The following AKAP6 variants were observed in gnomAD, a reference collection of about 807,000 sequenced individuals.
The protein encoded by AKAP6 is A-kinase anchor protein 6.
Under a neutral mutation model 188.5 loss-of-function variants are expected in AKAP6, and 58 were observed. The ratio of observed to expected loss-of-function variants is 0.31; its 90% confidence interval spans 0.25 to 0.38. AKAP6 has a LOEUF of 0.38. Among genes scored for constraint, AKAP6 ranks in the 10% least tolerant of loss-of-function variants. AKAP6 has a pLI of 1.00. For synonymous variants in AKAP6, 989 were observed against 998.6 expected (o/e 0.99, Z 0.18); for missense variants, 2,710 against 2,740.0 (o/e 0.99, Z 0.24).
At chr14:32,801,167 C>T (rs1392941253) in intron 12 of AKAP6, among the ~76,000 whole-genome samples, 1 of 152,140 alleles carries the variant, frequency 6.6e-6, no homozygotes, top group Non-Finnish European at 1.5e-5. Flanking sequence ...GGATTAATAT[C>T]TATCACATTA....
chr14:32,769,552 GTTTTTTTT>G (rs146861682), intron 11 of AKAP6, among the ~76,000 whole-genome samples: 6 of 146,332 alleles, frequency 4.1e-5, no homozygotes, highest in African/African-American at 1.5e-4. Context: ...TGCTTCATGG[GTTTTTTTT>G]TTTTTTTTTT....
chr14:32,654,429 G>C (rs1403096308), intron 7 of AKAP6, among the ~76,000 whole-genome samples: 2 of 152,048 alleles, frequency 1.3e-5, no homozygotes, highest in Non-Finnish European at 2.9e-5. Flanking sequence ...GTATTGAAAA[G>C]AAACCAATCA....
In AKAP6 at chr14:32,655,125, G is replaced by A. The variant is rs935250849; in HGVS notation, c.2731-23186G>A. Among the ~76,000 whole-genome samples the A allele has an allele frequency of 2.2e-4, 34 of 152,142 alleles. 1 individual carries two copies. Among genetic ancestry groups the A allele is most frequent in the Admixed American group, 2.1e-3 (32 of 15,276 alleles). ...GTAAAAATATTGACTATCAGGAGAC[G>A]AGTGAATATGCAGCAGATTAGGAAA... On this transcript the variant is annotated intron_variant, in intron 7 of 13. Coordinates refer to ENST00000280979, the MANE Select transcript of AKAP6 (RefSeq NM_004274.5).
At chr14:32,473,425 G>A (rs1878886154) in intron 2 of AKAP6, among the ~76,000 whole-genome samples, 1 of 152,124 alleles carries the variant, frequency 6.6e-6, no homozygotes, top group Non-Finnish European at 1.5e-5. Context: ...TTTCCCTAGG[G>A]CCAGTGAGGA....
At chr14:32,718,119 C>G (rs1042203193) in intron 9 of AKAP6, among the ~76,000 whole-genome samples, 9 of 152,246 alleles carry the variant, frequency 5.9e-5, no homozygotes, top group African/African-American at 2.2e-4. Context: ...GCTGAAATTC[C>G]TCCTGAAATT....
At chr14:32,557,618 T>A (rs928781679) in intron 4 of AKAP6, among the ~76,000 whole-genome samples, 2 of 152,192 alleles carry the variant, frequency 1.3e-5, no homozygotes, top group African/African-American at 4.8e-5. Context: ...GGTAGTGTGC[T>A]CTACACTACT....
chr14:32,341,157 G>A (rs1383663130), intron 1 of AKAP6, among the ~76,000 whole-genome samples: 2 of 152,074 alleles, frequency 1.3e-5, no homozygotes, highest in Admixed American at 6.6e-5. Context: ...TTTTTTTAGA[G>A]TTTCCTTATC....
At chr14:32,401,668 T>C (rs1220790951) in intron 1 of AKAP6, among the ~76,000 whole-genome samples, 1 of 152,228 alleles carries the variant, frequency 6.6e-6, no homozygotes, top group Non-Finnish European at 1.5e-5. Context: ...TTTTTATATA[T>C]TGCTGTTTTC....
At chr14:32,624,218 T>C (rs1295908323) in intron 7 of AKAP6, among the ~76,000 whole-genome samples, 1 of 152,192 alleles carries the variant, frequency 6.6e-6, no homozygotes, top group Non-Finnish European at 1.5e-5. Context: ...AAGATACTTG[T>C]TGTATTAGGT....
intron 4 of AKAP6, among the ~76,000 whole-genome samples, chr14:32,567,911 AAAAG>A (rs1462166911): frequency 1.3e-5 from 2 of 152,170 alleles, no homozygotes; most frequent in African/African-American, 4.8e-5. Context: ...AACTGTAGAA[AAAAG>A]AAAGAAACAA....
At chr14:32,438,033 A>G (rs1023416534) in intron 2 of AKAP6, among the ~76,000 whole-genome samples, 3 of 152,122 alleles carry the variant, frequency 2.0e-5, no homozygotes, top group Non-Finnish European at 4.4e-5. Context: ...CTCAATTCAC[A>G]CCTGTTGTTG....
chr14:32,606,630 G>A (rs747638651), intron 7 of AKAP6, among the ~76,000 whole-genome samples: 2 of 152,104 alleles, frequency 1.3e-5, no homozygotes, highest in Admixed American at 6.6e-5. Flanking sequence ...CAGCTACTAC[G>A]AGGATGACCT....
At chr14:32,344,878 T>C (rs539546231) in intron 1 of AKAP6, among the ~76,000 whole-genome samples, 8 of 133,676 alleles carry the variant, frequency 6.0e-5, no homozygotes, top group South Asian at 4.7e-4. Flanking sequence ...ATAGCACCAC[T>C]ACACTCCAGC....
intron 7 of AKAP6, among the ~76,000 whole-genome samples, chr14:32,630,784 A>G (rs1244516598): frequency 1.3e-5 from 2 of 152,202 alleles, no homozygotes; most frequent in East Asian, 1.9e-4. Flanking sequence ...TCTTTATGAT[A>G]TTAATAGTAA....
intron 1 of AKAP6, among the ~76,000 whole-genome samples, chr14:32,344,915 TAAAAA>T (rs11297648): frequency 9.5e-6 from 1 of 105,464 alleles, no homozygotes; most frequent in South Asian, 3.2e-4. Flanking sequence ...GACTCTGTCT[TAAAAA>T]AAAAAAAAAA....
chr14:32,566,155 A>G (rs1467173277), intron 4 of AKAP6, among the ~76,000 whole-genome samples: 1 of 152,170 alleles, frequency 6.6e-6, no homozygotes, highest in Admixed American at 6.5e-5. Context: ...CATTCTGTGT[A>G]TAGCAGAGTT....
rs1208676839 is a variant in AKAP6 at position 32,600,807 on chromosome 14, GT to G, written c.2730+18del. ...GAAGCCCCAAGGTAAGTGGCTTGAA[GT>G]TTGCCTTATTTCCTCTTATTTCTGT... is the stretch of plus-strand genomic sequence containing the variant. On this transcript the variant is annotated intron_variant, in intron 7 of 13. Coordinates refer to ENST00000280979, the MANE Select transcript of AKAP6 (RefSeq NM_004274.5). 1 of 1,587,118 alleles carries G rather than the reference GT, an allele frequency of 6.3e-7. No homozygotes were observed. Among genetic ancestry groups the G allele is most frequent in the South Asian group, 1.2e-5 (1 of 86,772 alleles).
intron 11 of AKAP6, among the ~76,000 whole-genome samples, chr14:32,762,918 C>T (rs554516358): frequency 4.9e-4 from 74 of 152,146 alleles, no homozygotes; most frequent in Non-Finnish European, 9.3e-4. Context: ...TAACTTTAGA[C>T]CTCACTTATT....
At chr14:32,438,991 G>A (rs1229946870) in intron 2 of AKAP6, 1 of 152,208 alleles carries the variant, frequency 6.6e-6, no homozygotes, top group Admixed American at 6.5e-5. Context: ...ATAACAGACA[G>A]AAGCCTTGAA....
Sources: gnomAD v4.1 joint callset for allele counts (sites outside exome capture counted in the v4.1 genomes callset) on GRCh38, gnomAD v4.1.1 for gene constraint, MANE v1.5 for transcripts, NCBI Gene and HGNC (gene_info 2026-07-23, HGNC 2026-07-21) for gene names.